Variants in SLC4A10 observed in about 807,000 individuals in gnomAD.
The protein encoded by SLC4A10 is sodium-driven chloride bicarbonate exchanger.
Under a neutral mutation model 137.7 loss-of-function variants are expected in SLC4A10, and 42 were observed. The ratio of observed to expected loss-of-function variants is 0.30; its 90% CI spans 0.24 to 0.39. The LOEUF is 0.39. SLC4A10 is among the 10% of genes least tolerant of loss of function. SLC4A10 has a pLI of 1.00. For missense variants in SLC4A10, 925 were observed against 1,355.0 expected, an observed-to-expected ratio of 0.68 and a Z score of 4.98; for synonymous variants, 474 against 464.1, an observed-to-expected ratio of 1.02 and a Z score of -0.27.
chr2:161,686,284 A>G (rs1440435388), intron 1 of SLC4A10, among the ~76,000 whole-genome samples: 1 of 152,218 alleles, frequency 6.6e-6, no homozygotes, highest in African/African-American at 2.4e-5. Flanking sequence ...TTATGGGTAA[A>G]GAAAGAACAA....
intron 2 of SLC4A10, among the ~76,000 whole-genome samples, chr2:161,778,809 T>C (rs1369477728): frequency 6.6e-6 from 1 of 151,974 alleles, no homozygotes; most frequent in African/African-American, 2.4e-5. Flanking sequence ...TATTAAAATC[T>C]TTTAAGTCAA....
chr2:161,822,986 T>A (rs183958492), intron 3 of SLC4A10, among the ~76,000 whole-genome samples: 1 of 152,170 alleles, frequency 6.6e-6, no homozygotes, highest in East Asian at 1.9e-4. Flanking sequence ...AAAAATTATG[T>A]GTATATATAT....
At chr2:161,779,103 A>C (rs903694756) in intron 2 of SLC4A10, among the ~76,000 whole-genome samples, 6 of 151,966 alleles carry the variant, frequency 3.9e-5, no homozygotes, top group Admixed American at 1.3e-4. Flanking sequence ...ACAGGGTGGA[A>C]GGTCAAAGTG....
chr2:161,740,958 A>G (rs1428637293), intron 1 of SLC4A10, among the ~76,000 whole-genome samples: 1 of 152,158 alleles, frequency 6.6e-6, no homozygotes, highest in African/African-American at 2.4e-5. Flanking sequence ...CTCACTTCAA[A>G]TAGTTACCTC....
At chr2:161,655,484 T>C (rs1417314895) in intron 1 of SLC4A10, among the ~76,000 whole-genome samples, 1 of 152,234 alleles carries the variant, frequency 6.6e-6, no homozygotes, top group Non-Finnish European at 1.5e-5. Context: ...GACCATGATG[T>C]TAGCTGTGAG....
At chr2:161,920,577 C>T (rs1173803793) in intron 15 of SLC4A10, among the ~76,000 whole-genome samples, 1 of 152,186 alleles carries the variant, frequency 6.6e-6, no homozygotes, top group East Asian at 1.9e-4. Context: ...GTTCAACTTG[C>T]ACTGTATGCC....
At chr2:161,767,048 A>G (rs1034612468) in intron 1 of SLC4A10, among the ~76,000 whole-genome samples, 26 of 142,932 alleles carry the variant, frequency 1.8e-4, no homozygotes, top group Non-Finnish European at 3.5e-4. Context: ...TTTGTAAAAC[A>G]TGGAGGCAAA....
chr2:161,740,592 T>A (rs1398795933), intron 1 of SLC4A10, among the ~76,000 whole-genome samples: 1 of 152,166 alleles, frequency 6.6e-6, no homozygotes, highest in African/African-American at 2.4e-5. Context: ...GAGTTGTTAC[T>A]GGGAGGTGCT....
rs2055652241 is a variant in SLC4A10, at chr2:161,804,007, G to T, written c.131-442G>T. ...AATAGGAAAACAGAAAAACCTCTGT[G>T]GAATTTGGCATTAACATAGACCTTA... is the stretch of plus-strand genomic sequence containing the variant. On this transcript the variant is annotated intron_variant, in intron 2 of 26. Transcript: ENST00000446997. 2.6e-5 allele frequency among the ~76,000 whole-genome samples: 4 copies of T among 152,162 alleles called. No individual in the cohort carries two copies. In the South Asian group the frequency reaches 8.3e-4, roughly 32 times the overall value.
intron 3 of SLC4A10, among the ~76,000 whole-genome samples, chr2:161,837,145 C>G (rs775477838): frequency 2.6e-5 from 4 of 151,940 alleles, no homozygotes; most frequent in Non-Finnish European, 5.9e-5. Flanking sequence ...AGAGAAAGAG[C>G]TTGGAAAGGA....
rs1385524681 is a variant in SLC4A10 at position 161,800,414 on chromosome 2, AC to A, written c.131-4034del. Among the ~76,000 whole-genome samples the A allele has an allele frequency of 2.0e-5, 3 of 151,918 alleles. No homozygotes were observed. In the East Asian group the frequency reaches 5.8e-4, roughly 29 times the overall value. Reference sequence around the variant, plus strand: ...AATGGATATTTATTGAGCACCAAAAACTGTCAAGCATTGTTCTAGGTATTTG... The same window carrying A: ...AATGGATATTTATTGAGCACCAAAAATGTCAAGCATTGTTCTAGGTATTTG... On this transcript the variant is annotated intron_variant, in intron 2 of 26. Transcript: ENST00000446997.
At chr2:161,864,942 A>T (rs899602954) in intron 6 of SLC4A10, among the ~76,000 whole-genome samples, 2 of 152,116 alleles carry the variant, frequency 1.3e-5, no homozygotes, top group Admixed American at 6.5e-5. Context: ...TGTCTACATG[A>T]TTCCAAAAAC....
chr2:161,698,425 A>G (rs1025347801), intron 1 of SLC4A10, among the ~76,000 whole-genome samples: 13 of 152,336 alleles, frequency 8.5e-5, no homozygotes, highest in Non-Finnish European at 1.9e-4. Context: ...CCCATTCAGC[A>G]TGATATTGGC....
intron 21 of SLC4A10, among the ~76,000 whole-genome samples, chr2:161,962,345 C>T (rs1249195762): frequency 2.0e-5 from 3 of 152,144 alleles, no homozygotes; most frequent in Admixed American, 6.5e-5. Flanking sequence ...GAAGCACCCA[C>T]ACACTGAAGT....
At chr2:161,965,596 A>C (rs1035620996) in intron 23 of SLC4A10, among the ~76,000 whole-genome samples, 1 of 152,156 alleles carries the variant, frequency 6.6e-6, no homozygotes, top group African/African-American at 2.4e-5. Context: ...ACAGAGTTTT[A>C]ATCAAAATAT....
chr2:161,796,783 C>T (rs1285728334), intron 2 of SLC4A10, among the ~76,000 whole-genome samples: 1 of 152,052 alleles, frequency 6.6e-6, no homozygotes, highest in African/African-American at 2.4e-5. Flanking sequence ...TGTTTTTCTC[C>T]TCAGCAACTT....
In SLC4A10 at chr2:161,664,725, AT is replaced by A. The variant is rs2038851779; in HGVS notation, c.48+40164del. On this transcript the variant is annotated intron_variant, in intron 1 of 26. Transcript: ENST00000446997. Reference sequence around the variant, plus strand: ...GATTTTTTCTCCTTTTTTTTTTCCAATTTTTAGGGTGTTGAGTTAATATAAC... The same window carrying A: ...GATTTTTTCTCCTTTTTTTTTTCCAATTTTAGGGTGTTGAGTTAATATAAC... Among the ~76,000 whole-genome samples, 14 of 147,496 alleles carry A rather than the reference AT, an allele frequency of 9.5e-5. 1 individual carries two copies. Among genetic ancestry groups the A allele is most frequent in the South Asian group, 4.3e-4 (2 of 4,662 alleles).
intron 1 of SLC4A10, among the ~76,000 whole-genome samples, chr2:161,716,177 GGT>G (rs2044851349): frequency 2.2e-5 from 1 of 46,272 alleles, no homozygotes; most frequent in African/African-American, 7.0e-5. Context: ...CTTTTTGATG[GGT>G]TTTTTTTTTT....
At chr2:161,804,736 G>A in intron 3 of SLC4A10, 141 bp downstream of exon 3, 2 of 664,346 alleles carry the variant, frequency 3.0e-6, no homozygotes, top group Non-Finnish European at 4.5e-6. Flanking sequence ...GAGAGAAGTG[G>A]GAGAGATAAA....
Sources: allele counts gnomAD v4.1 joint callset (sites outside exome capture counted in the v4.1 genomes callset), GRCh38; gene constraint gnomAD v4.1.1; transcripts MANE v1.5; gene names NCBI Gene and HGNC (gene_info 2026-07-23, HGNC 2026-07-21).